The following NLRP1 variants were observed in gnomAD, a reference collection of about 807,000 sequenced individuals.
NLRP1 encodes the protein NLR family pyrin domain containing 1, also known as NACHT, LRR and PYD domains-containing protein 1.
A neutral mutation model predicts 136.7 loss-of-function variants in NLRP1; 94 were observed. The observed-to-expected ratio is 0.69, with a 90% confidence interval of 0.58 to 0.82. The LOEUF is 0.82. Among genes scored for constraint, NLRP1 ranks in the 40% least tolerant of loss-of-function variants. NLRP1 has a pLI of 0.00. For synonymous variants in NLRP1, 690 were observed against 725.1 expected (o/e 0.95, Z 0.78); for missense variants, 1,575 against 1,802.7 (o/e 0.87, Z 2.29).
chr17:5,554,396 G>A (rs11657455), intron 4 of NLRP1, among the ~76,000 whole-genome samples: 18,736 of 152,192 alleles, frequency 0.12, 2,032 homozygotes, highest in East Asian at 0.58. Flanking sequence ...CCAAGTTTCA[G>A]ACTGAGTTTT....
In NLRP1 at chr17:5,531,173, AATCTATCTATCTATCT is replaced by A. The variant is rs5819032; in HGVS notation, c.3297-485_3297-470del. On this transcript the variant is annotated intron_variant, in intron 11 of 16. Transcript: ENST00000572272. ...ATCTATCTATCTATCTAATCTATCT[AATCTATCTATCTATCT>A]ATCTATCTATCTATCTATCTATCTA... 1.0e-3 allele frequency among the ~76,000 whole-genome samples: 146 copies of A among 141,582 alleles called. No individual in the cohort carries two copies. The East Asian group carries it at 0.012, about 12-fold the overall frequency. 92.9% of individuals were successfully genotyped at this position (141,582 alleles called of 152,430 possible).
chr17:5,575,689 C>T (rs190062931), intron 3 of NLRP1, among the ~76,000 whole-genome samples: 7 of 152,204 alleles, frequency 4.6e-5, no homozygotes, highest in African/African-American at 1.7e-4. Flanking sequence ...GACTTTAACA[C>T]CCCCCTGTCA....
At chr17:5,547,286 G>A (rs751681426) in intron 5 of NLRP1, among the ~76,000 whole-genome samples, 9 of 151,940 alleles carry the variant, frequency 5.9e-5, no homozygotes, top group Non-Finnish European at 1.3e-4. Flanking sequence ...TAGCACACAT[G>A]ACCCTAAGTA....
At chr17:5,515,974 G>A (rs563045467) in intron 15 of NLRP1, among the ~76,000 whole-genome samples, 3 of 152,326 alleles carry the variant, frequency 2.0e-5, no homozygotes, top group Admixed American at 6.5e-5. Context: ...GGATTTGGAT[G>A]TCAGAATCTA....
intron 15 of NLRP1, 91 bp downstream of exon 15, chr17:5,517,655 G>A (rs1302108465): frequency 2.0e-6 from 3 of 1,465,100 alleles, no homozygotes; most frequent in Non-Finnish European, 2.8e-6. Context: ...CAAAGTTCTG[G>A]GATTACAGGC....
At chr17:5,532,720 G>A in intron 11 of NLRP1, 102 bp downstream of exon 11, 1 of 1,014,664 alleles carries the variant, frequency 9.9e-7, no homozygotes, top group Non-Finnish European at 1.4e-6. Flanking sequence ...AGTGGTGAGT[G>A]TGAGTTGGGG....
intron 3 of NLRP1, among the ~76,000 whole-genome samples, chr17:5,572,711 GAAAA>G (rs35389652): frequency 3.5e-5 from 4 of 113,734 alleles, no homozygotes; most frequent in African/African-American, 1.5e-4. Context: ...CTTTGTCTCA[GAAAA>G]AAAAAAAAAA....
Position 5,558,985 on chromosome 17 carries a change from G to A in NLRP1, c.1711C>T (p.Leu571Phe), listed in dbSNP as rs757886032. 1.4e-5 allele frequency: 22 copies of A among 1,614,156 alleles called. No individual in the cohort carries two copies. Among genetic ancestry groups the A allele is most frequent in the Admixed American group, 6.7e-5 (4 of 60,024 alleles). The change falls in exon 4 of 17, where the codon CTC (leucine) becomes TTC (phenylalanine). Residue 571 changes from leucine (L) to phenylalanine (F), a missense_variant. Transcript: ENST00000572272. Reference protein sequence around the residue: ...AQPLGPQLRDLCSLAAEGIWQ... With the variant: ...AQPLGPQLRDFCSLAAEGIWQ... Reference sequence around the variant, plus strand: ...ATGCCCTCAGCAGCCAGAGAGCAGAGGTCTCTGAGCTGGGGTCCCAATGGC... The same window carrying A: ...ATGCCCTCAGCAGCCAGAGAGCAGAAGTCTCTGAGCTGGGGTCCCAATGGC...
intron 4 of NLRP1, 105 bp from the exon 5 acceptor site, chr17:5,553,661 G>A: frequency 9.9e-7 from 1 of 1,013,354 alleles, no homozygotes; most frequent in Non-Finnish European, 1.5e-6. Flanking sequence ...TGAGCACCAG[G>A]CCACAGCGGG....
At chr17:5,513,608 GA>G (rs1417339573), downstream of NLRP1, among the ~76,000 whole-genome samples, 1 of 152,200 alleles carries the variant, frequency 6.6e-6, no homozygotes, top group Non-Finnish European at 1.5e-5. Flanking sequence ...GATCAGGTAC[GA>G]AGACATTTCT....
chr17:5,564,736 T>C (rs1430822035), intron 3 of NLRP1, among the ~76,000 whole-genome samples: 2 of 140,628 alleles, frequency 1.4e-5, no homozygotes, highest in African/African-American at 5.2e-5. Flanking sequence ...TTTTTAGTGT[T>C]TTTTTTTTTT....
At chr17:5,577,240 A>G (rs1296862827) in intron 3 of NLRP1, among the ~76,000 whole-genome samples, 1 of 152,198 alleles carries the variant, frequency 6.6e-6, no homozygotes, top group Non-Finnish European at 1.5e-5. Context: ...CCTATTCAAC[A>G]TAGTGTTGGA....
At chr17:5,525,506 C>T (rs955452051) in intron 12 of NLRP1, among the ~76,000 whole-genome samples, 8 of 152,176 alleles carry the variant, frequency 5.3e-5, no homozygotes, top group Admixed American at 2.0e-4. Context: ...GATGCCTGGC[C>T]GTGCCCTTCC....
intron 3 of NLRP1, among the ~76,000 whole-genome samples, chr17:5,565,347 T>C (rs1281459423): frequency 6.6e-6 from 1 of 152,240 alleles, no homozygotes. Context: ...TTTTTTCCTA[T>C]AGAGTCATTT....
At chr17:5,530,166 T>C (rs1910059702) in intron 12 of NLRP1, 1 of 478,374 alleles carries the variant, frequency 2.1e-6, no homozygotes, top group Non-Finnish European at 4.1e-6. Flanking sequence ...TTGAAAAGCT[T>C]CTTCAAAAAT....
Position 5,561,665 on chromosome 17 carries a change from G to C in NLRP1, c.653-1622C>G, listed in dbSNP as rs1914771975. On this transcript the variant is annotated intron_variant, in intron 3 of 16. Coordinates refer to ENST00000572272, the MANE Select transcript of NLRP1 (RefSeq NM_033004.4). ...TCACCTTGTTAGCCAGGATGGTCTC[G>C]ATCTCCTGACCTCATGATCCACCCG... is the stretch of plus-strand genomic sequence containing the variant. Among the ~76,000 whole-genome samples the C allele has an allele frequency of 4.6e-5, 2 of 43,858 alleles. 1 individual carries two copies. The highest frequency in any genetic ancestry group is 1.7e-4 in the African/African-American group (2 of 11,772). 28.8% of individuals were successfully genotyped at this position (43,858 alleles called of 152,430 possible).
rs571409621 is a variant in NLRP1 at position 5,537,997 on chromosome 17, G to A, written c.2871-1057C>T. Among the ~76,000 whole-genome samples, 41 of 152,244 alleles carry A rather than the reference G, an allele frequency of 2.7e-4. No individual in the cohort carries two copies. The highest frequency in any genetic ancestry group is 8.8e-5 in the Non-Finnish European group (6 of 68,042). On this transcript the variant is annotated intron_variant, in intron 7 of 16. Coordinates refer to ENST00000572272, the MANE Select transcript of NLRP1 (RefSeq NM_033004.4). This position sits in a 1 kb window ranked among gnomAD's most constrained non-coding sequence, Gnocchi z 4.5. ...TGTAGATAGCCAGTGTCAGCTACAG[G>A]AGAACCCAAATGTAGACTATTTATT...
At chr17:5,549,828 G>T (rs1333277820) in intron 5 of NLRP1, among the ~76,000 whole-genome samples, 3 of 152,052 alleles carry the variant, frequency 2.0e-5, no homozygotes, top group Non-Finnish European at 2.9e-5. Context: ...TTAGCTGTGG[G>T]TTTTTTTACT....
rs201841347 is a variant in NLRP1 at position 5,560,059 on chromosome 17, A to G, written c.653-16T>C. ...TCTCTGATTTCTAAGTAAGGGAGGG[A>G]AAGAAGGAACATAAAGGTAGAGAAT... On this transcript the variant is annotated splice_polypyrimidine_tract_variant and intron_variant, in intron 3 of 16. Transcript: ENST00000572272. The G allele has an allele frequency of 3.1e-4, 478 of 1,537,648 alleles. 3 individuals are homozygous for G. The highest frequency in any genetic ancestry group is 2.0e-3 in the Middle Eastern group (9 of 4,594).
Sources: gnomAD v4.1 joint callset for allele counts (sites outside exome capture counted in the v4.1 genomes callset) on GRCh38, gnomAD v4.1.1 for gene constraint, Gnocchi (gnomAD v3.1) non-coding constraint, MANE v1.5 for transcripts, NCBI Gene and HGNC (gene_info 2026-07-23, HGNC 2026-07-21) for gene names.